Variants in KALRN observed in about 807,000 individuals in gnomAD.
KALRN encodes kalirin.
In KALRN, 70 loss-of-function variants were observed where a neutral mutation model predicts 353.7. That is an observed-to-expected ratio of 0.20 (90% CI 0.16 to 0.24). The LOEUF (loss-of-function observed/expected upper bound fraction) is 0.24, where lower values mean the gene tolerates loss of function less well. Among genes scored for constraint, KALRN ranks in the 10% least tolerant of loss-of-function variants. The pLI, the probability that KALRN is intolerant of heterozygous loss-of-function variation, is 1.00. For synonymous variants in KALRN, 1,391 were observed against 1,434.8 expected (o/e 0.97, Z 0.69); for missense variants, 2,791 against 3,756.7 (o/e 0.74, Z 6.72).
intron 1 of KALRN, among the ~76,000 whole-genome samples, chr3:124,130,308 A>G (rs933989793): frequency 2.0e-5 from 3 of 152,234 alleles, no homozygotes; most frequent in Admixed American, 6.5e-5. Flanking sequence ...TTAAATGTAT[A>G]TTCAGAGCTC....
chr3:124,255,335 C>T (rs1419333934), intron 3 of KALRN, among the ~76,000 whole-genome samples: 3 of 152,152 alleles, frequency 2.0e-5, no homozygotes, highest in Admixed American at 6.5e-5. Flanking sequence ...GTTCTTAAGA[C>T]TTATCATAAC....
At chr3:124,277,996 A>ATGTGTGTG (rs3054178) in intron 5 of KALRN, among the ~76,000 whole-genome samples, 4,478 of 146,102 alleles carry the variant, frequency 0.031, 103 homozygotes, top group African/African-American at 0.046. Flanking sequence ...GAGATGAACT[A>ATGTGTGTG]TGTGTGTGTG....
intron 5 of KALRN, among the ~76,000 whole-genome samples, chr3:124,289,990 A>G (rs1335250005): frequency 6.6e-6 from 1 of 152,152 alleles, no homozygotes; most frequent in Non-Finnish European, 1.5e-5. Context: ...TGTGAAGGAC[A>G]CAAAAGGAAG....
At chr3:124,327,802 T>A (rs771443152) in intron 7 of KALRN, among the ~76,000 whole-genome samples, 122 of 152,324 alleles carry the variant, frequency 8.0e-4, no homozygotes, top group Non-Finnish European at 1.2e-3. Context: ...AATTTCTCCC[T>A]CTGTTACCCT....
chr3:124,442,180 T>C (rs2093689458), intron 19 of KALRN, 121 bp downstream of exon 19: 7 of 575,500 alleles, frequency 1.2e-5, no homozygotes, highest in Non-Finnish European at 1.5e-5. Flanking sequence ...GAAATGAAAA[T>C]GTATGATGTG....
intron 3 of KALRN, among the ~76,000 whole-genome samples, chr3:124,259,168 G>A (rs1020399693): frequency 7.2e-5 from 11 of 152,118 alleles, no homozygotes; most frequent in African/African-American, 2.2e-4. Flanking sequence ...CTGGGGAGGC[G>A]GTGAAAATGC....
Position 124,535,851 on chromosome 3 carries a change from G to A in KALRN, c.4936-26992G>A, listed in dbSNP as rs77785823. Among the ~76,000 whole-genome samples, 61 of 152,200 alleles carry A rather than the reference G, an allele frequency of 4.0e-4. 1 individual carries two copies. The East Asian group carries it at 0.01, about 26-fold the overall frequency. ...AGGACTGGTAAAGAAGATCCACAAA[G>A]TCCTCAGGCACCCGGCTCCTTCTAA... is the stretch of plus-strand genomic sequence containing the variant. On this transcript the variant is annotated intron_variant, in intron 33 of 59. Transcript: ENST00000682506.
rs149907151 is a variant in KALRN, at chr3:124,228,518, A to G, written c.148+454A>G. Among the ~76,000 whole-genome samples the G allele has an allele frequency of 5.3e-4, 81 of 152,314 alleles. No individual in the cohort carries two copies. The East Asian group carries it at 0.015, about 29-fold the overall frequency. On this transcript the variant is annotated intron_variant, in intron 2 of 59. Transcript: ENST00000682506. ...ATGTTTAGTTTTTGTTTTTTTCTGA[A>G]TAATGACTTCCAAATATTTATATCT...
chr3:124,434,255 T>C lies in KALRN; in HGVS notation c.2830-52T>C, dbSNP rs918590701. On this transcript the variant is annotated intron_variant, in intron 16 of 59. Transcript: ENST00000682506. ...TCACGCCTCACTCCACCCCCTCCCA[T>C]ACCACGCCTGGGTTGTTCCCACGGA... 5 of 1,465,560 alleles carry C rather than the reference T, an allele frequency of 3.4e-6. No homozygotes were observed. In the African/African-American group the frequency reaches 6.9e-5, roughly 20 times the overall value. The allele number at this position is 1,465,560 out of a possible 1,614,324, so 90.8% of individuals were successfully genotyped here.
intron 27 of KALRN, among the ~76,000 whole-genome samples, chr3:124,478,289 AT>A (rs554956053): frequency 6.6e-6 from 1 of 152,128 alleles, no homozygotes; most frequent in Admixed American, 6.5e-5. Context: ...ACCTGTTTTC[AT>A]TTTTTTCATA....
At chr3:124,668,185 T>C (rs959016152) in intron 47 of KALRN, among the ~76,000 whole-genome samples, 1 of 152,006 alleles carries the variant, frequency 6.6e-6, no homozygotes, top group African/African-American at 2.4e-5. Context: ...CACAGGTACA[T>C]GCATGTACAC....
chr3:124,539,161 A>T (rs6773954), intron 33 of KALRN, among the ~76,000 whole-genome samples: 2,232 of 152,308 alleles, frequency 0.015, 27 homozygotes, highest in East Asian at 0.071. Flanking sequence ...AAGCAGTCAG[A>T]TGGGGATTTC....
intron 34 of KALRN, among the ~76,000 whole-genome samples, chr3:124,605,709 G>T (rs571070200): frequency 6.6e-6 from 1 of 152,086 alleles, no homozygotes; most frequent in African/African-American, 2.4e-5. Flanking sequence ...TTGGATATTG[G>T]TTCTGTCCCC....
At chr3:124,638,335 TAA>T (rs3836300) in intron 37 of KALRN, among the ~76,000 whole-genome samples, 37,769 of 146,740 alleles carry the variant, frequency 0.26, 5,235 homozygotes, top group East Asian at 0.47. Context: ...CCTTTCTAAT[TAA>T]AAAAAAAAAA....
At chr3:124,170,446 G>C (rs1250939592) in intron 1 of KALRN, among the ~76,000 whole-genome samples, 1 of 152,190 alleles carries the variant, frequency 6.6e-6, no homozygotes, top group Non-Finnish European at 1.5e-5. Flanking sequence ...AGCGTCACAT[G>C]GCTGGTGAAT....
At chr3:124,635,148 T>C (rs1347994313) in intron 36 of KALRN, among the ~76,000 whole-genome samples, 1 of 152,146 alleles carries the variant, frequency 6.6e-6, no homozygotes, top group Non-Finnish European at 1.5e-5. Flanking sequence ...CTCTGGATTA[T>C]TGGGAAGAGA....
chr3:124,504,600 A>G, intron 33 of KALRN: 1 of 280,632 alleles, frequency 3.6e-6, no homozygotes, highest in Non-Finnish European at 7.2e-6. Context: ...GGCATGTGGC[A>G]AGTATTAATG....
intron 1 of KALRN, among the ~76,000 whole-genome samples, chr3:124,036,657 A>G (rs2039451288): frequency 6.6e-6 from 1 of 152,210 alleles, no homozygotes; most frequent in Non-Finnish European, 1.5e-5. Context: ...AATGTATTCT[A>G]TTGAACAACT....
intron 1 of KALRN, among the ~76,000 whole-genome samples, chr3:124,059,159 A>G (rs2041809696): frequency 6.6e-6 from 1 of 152,242 alleles, no homozygotes; most frequent in South Asian, 2.1e-4. Flanking sequence ...TACGTGAAAC[A>G]GAATACTTAG....
Sources: allele counts gnomAD v4.1 joint callset (sites outside exome capture counted in the v4.1 genomes callset), GRCh38; gene constraint gnomAD v4.1.1; transcripts MANE v1.5; gene names NCBI Gene and HGNC (gene_info 2026-07-23, HGNC 2026-07-21).